Variants in USP40 observed in about 807,000 individuals in gnomAD.
USP40 encodes the protein ubiquitin specific peptidase 40, also known as ubiquitin carboxyl-terminal hydrolase 40.
USP40 carries 143 observed loss-of-function variants against 166.2 expected under a neutral mutation model. The observed-to-expected ratio is 0.86, with a 90% CI of 0.75 to 0.99. USP40 has a LOEUF of 0.99. Among genes scored for constraint, USP40 ranks in the 50% least tolerant of loss-of-function variants. The pLI is 0.00. For synonymous variants in USP40, 498 were observed against 524.0 expected (o/e 0.95, Z 0.68); for missense variants, 1,444 against 1,479.7 (o/e 0.98, Z 0.40).
chr2:233,495,494 C>T (rs555529408), intron 24 of USP40, among the ~76,000 whole-genome samples: 19 of 151,928 alleles, frequency 1.3e-4, no homozygotes, highest in East Asian at 1.9e-4. Context: ...TGAGCTCAAG[C>T]GATTTGCCTG....
chr2:233,493,330 TA>T lies in USP40; in HGVS notation c.2917+94del. 6.5e-7 allele frequency: 1 copy of T among 1,542,452 alleles called. No individual in the cohort carries two copies. Among genetic ancestry groups the T allele is most frequent in the South Asian group, 1.2e-5 (1 of 85,744 alleles). ...TCTTGATTTTCAAGATCTTACGTTT[TA>T]AAAATAAATATATCAATTGACTCTC... On this transcript the variant is annotated intron_variant, in intron 25 of 31. Coordinates refer to ENST00000678225, the MANE Select transcript of USP40 (RefSeq NM_001365479.2). This position sits in a 1 kb window ranked among gnomAD's most constrained non-coding sequence, Gnocchi z 4.7.
Position 233,554,458 on chromosome 2 carries a change from C to T in USP40, c.615G>A (p.Met205Ile). The T allele has an allele frequency of 1.2e-6, 2 of 1,613,438 alleles. No homozygotes were observed. The highest frequency in any genetic ancestry group is 1.7e-6 in the Non-Finnish European group (2 of 1,179,694). Residue 205 changes from methionine (M) to isoleucine (I), a missense_variant, in exon 6 of 32, where the codon ATG becomes ATA. By Grantham distance (10) the Met-to-Ile change is conservative. Coordinates refer to ENST00000678225, the MANE Select transcript of USP40 (RefSeq NM_001365479.2). ...AATCAAAAACTTCCTCTTCTACATACATGTTCCAGAGAGCATCTTCCAAAC... is the reference window on the plus strand; with the variant it reads ...AATCAAAAACTTCCTCTTCTACATATATGTTCCAGAGAGCATCTTCCAAAC... The part of the protein sequence containing the change: ...VSGLEDALWN[M>I]YVEEEVFDCD...
At chr2:233,542,502 G>T in intron 8 of USP40, 139 bp from the exon 9 acceptor site, 1 of 567,110 alleles carries the variant, frequency 1.8e-6, no homozygotes, top group Admixed American at 3.2e-5. Flanking sequence ...CTTGAGCCAG[G>T]AGTTCAAGAC....
At chr2:233,563,594 C>T (rs1575356901) in intron 2 of USP40, among the ~76,000 whole-genome samples, 1 of 152,148 alleles carries the variant, frequency 6.6e-6, no homozygotes, top group East Asian at 1.9e-4. Flanking sequence ...TAAAACCATA[C>T]AAAAACTTTT....
chr2:233,504,035 A>G (rs1045134026), intron 21 of USP40, among the ~76,000 whole-genome samples: 2 of 152,154 alleles, frequency 1.3e-5, no homozygotes, highest in Non-Finnish European at 2.9e-5. Context: ...GGAAGGGAAA[A>G]AATTCTAGAC....
At chr2:233,566,495 A>G (rs1382131569) in intron 1 of USP40, among the ~76,000 whole-genome samples, 189 bp downstream of exon 1, 1 of 152,214 alleles carries the variant, frequency 6.6e-6, no homozygotes, top group Non-Finnish European at 1.5e-5. Flanking sequence ...CCAAGCCACC[A>G]CAGGCCCAGG....
At chr2:233,484,223 T>C (rs1402753611) in intron 30 of USP40, among the ~76,000 whole-genome samples, 3 of 152,232 alleles carry the variant, frequency 2.0e-5, no homozygotes. Context: ...ATTTATGCTA[T>C]TAATTTTATT....
At position 233,494,993 on chromosome 2, in the gene USP40, A is replaced by ATATATTATT. The variant is rs1213191180; in HGVS notation, c.2791-1443_2791-1442insAATAATATA. ...ATATATATATATACACACACATAAA[A>ATATATTATT]AATAAATAAATAAATAAATATATAA... On this transcript the variant is annotated intron_variant, in intron 24 of 31. Coordinates refer to ENST00000678225, the MANE Select transcript of USP40 (RefSeq NM_001365479.2). Among the ~76,000 whole-genome samples the ATATATTATT allele has an allele frequency of 6.9e-5, 5 of 72,598 alleles. 1 individual carries two copies. The highest frequency in any genetic ancestry group is 3.9e-4 in the African/African-American group (5 of 12,676). 47.6% of individuals were successfully genotyped at this position (72,598 alleles called of 152,430 possible). A position where few individuals can be genotyped will look rare whatever the true frequency, so the allele number is the denominator to read the frequency against.
At chr2:233,497,292 G>C (rs1242764989) in intron 23 of USP40, among the ~76,000 whole-genome samples, 1 of 152,154 alleles carries the variant, frequency 6.6e-6, no homozygotes, top group Non-Finnish European at 1.5e-5. Flanking sequence ...TGGAAGGGCA[G>C]GCACTAACCA....
At chr2:233,559,959 C>A (rs1178757728) in intron 3 of USP40, 35 bp from the exon 4 acceptor site, 7 of 1,503,968 alleles carry the variant, frequency 4.7e-6, no homozygotes, top group Non-Finnish European at 5.4e-6. Flanking sequence ...TAAATGAATT[C>A]TTTAAGTGTT....
chr2:233,515,779 G>T (rs1379680038), intron 18 of USP40, among the ~76,000 whole-genome samples: 1 of 152,100 alleles, frequency 6.6e-6, no homozygotes, highest in Non-Finnish European at 1.5e-5. Flanking sequence ...AAGTAACAAA[G>T]ATTTCCTCAT....
In USP40 at chr2:233,527,395, A is replaced by T; in HGVS notation, c.1725+12T>A. 6.2e-7 allele frequency: 1 copy of T among 1,610,654 alleles called. No homozygotes were observed. Among genetic ancestry groups the T allele is most frequent in the Non-Finnish European group, 8.5e-7 (1 of 1,179,160 alleles). Reference sequence around the variant, plus strand: ...TCGATGTCTGAATTAAGAGGAAGTAAGGCGATATTACCTGAAATATTGACT... The same window carrying T: ...TCGATGTCTGAATTAAGAGGAAGTATGGCGATATTACCTGAAATATTGACT... On this transcript the variant is annotated intron_variant, in intron 13 of 31. Coordinates refer to ENST00000678225, the MANE Select transcript of USP40 (RefSeq NM_001365479.2).
chr2:233,534,036 C>T (rs2068757875), intron 10 of USP40, among the ~76,000 whole-genome samples: 1 of 152,124 alleles, frequency 6.6e-6, no homozygotes, highest in Admixed American at 6.5e-5. Context: ...TTGATTACAC[C>T]TCACTAGTGC....
chr2:233,487,964 C>A (rs1222831779), intron 28 of USP40: 1 of 631,732 alleles, frequency 1.6e-6, no homozygotes, highest in African/African-American at 1.8e-5. Flanking sequence ...TGCGGGTGGG[C>A]CTCTTGCTGA....
intron 16 of USP40, among the ~76,000 whole-genome samples, chr2:233,522,532 AGG>A (rs2067729154): frequency 6.6e-6 from 1 of 152,248 alleles, no homozygotes; most frequent in African/African-American, 2.4e-5. Flanking sequence ...CTGAGAAAAC[AGG>A]GAGCTTGAAG....
At chr2:233,515,533 A>C (rs1013006145) in intron 18 of USP40, among the ~76,000 whole-genome samples, 3 of 151,126 alleles carry the variant, frequency 2.0e-5, no homozygotes, top group Non-Finnish European at 4.4e-5. Flanking sequence ...GTGTCTGTTC[A>C]AGATTCTAAA....
intron 5 of USP40, chr2:233,556,551 A>G (rs2071116591): frequency 5.8e-6 from 1 of 173,438 alleles, no homozygotes; most frequent in Non-Finnish European, 1.2e-5. Flanking sequence ...TATTCCAACC[A>G]TGATGACACT....
At chr2:233,498,231 G>A (rs1575238678) in intron 23 of USP40, among the ~76,000 whole-genome samples, 1 of 152,138 alleles carries the variant, frequency 6.6e-6, no homozygotes, top group South Asian at 2.1e-4. Flanking sequence ...ACTTCAGAGT[G>A]TATCTATAAA....
At chr2:233,520,651 TA>T (rs1233098179) in intron 17 of USP40, among the ~76,000 whole-genome samples, 6 of 151,708 alleles carry the variant, frequency 4.0e-5, no homozygotes, top group Non-Finnish European at 8.8e-5. Flanking sequence ...ATACTTGGCT[TA>T]AAAAAAATAC....
Sources: gnomAD v4.1 joint callset for allele counts (sites outside exome capture counted in the v4.1 genomes callset) on GRCh38, gnomAD v4.1.1 for gene constraint, Gnocchi (gnomAD v3.1) non-coding constraint, MANE v1.5 for transcripts, NCBI Gene and HGNC (gene_info 2026-07-23, HGNC 2026-07-21) for gene names.